Variants in SMC6 observed in about 807,000 individuals in gnomAD.
SMC6 encodes structural maintenance of chromosomes protein 6.
A neutral mutation model predicts 142.2 loss-of-function variants in SMC6; 79 were observed. The observed-to-expected ratio is 0.56, with a 90% CI of 0.46 to 0.67. The LOEUF is 0.67. Ranked by LOEUF, SMC6 falls within the 30% of genes least tolerant of loss-of-function variation. The pLI, the probability that SMC6 is intolerant of heterozygous loss-of-function variation, is 0.00. For synonymous variants in SMC6, 411 were observed against 412.4 expected (o/e 1.00, Z 0.04); for missense variants, 1,072 against 1,284.0 (o/e 0.83, Z 2.52).
At chr2:17,726,500 T>C (rs1190811271) in intron 7 of SMC6, 31 bp from the exon 8 acceptor site, 26 of 1,575,464 alleles carry the variant, frequency 1.7e-5, no homozygotes, top group Non-Finnish European at 2.1e-5. Flanking sequence ...TTTTTGAATA[T>C]TTTACTTTAA....
intron 1 of SMC6, among the ~76,000 whole-genome samples, 180 bp from the exon 2 acceptor site, chr2:17,753,244 A>C (rs529388429): frequency 5.8e-5 from 7 of 120,310 alleles, no homozygotes; most frequent in Non-Finnish European, 1.1e-4. Context: ...CATCAGACTC[A>C]TGCTAAGAGC....
intron 9 of SMC6, among the ~76,000 whole-genome samples, chr2:17,723,412 T>G (rs1370995653): frequency 6.6e-6 from 1 of 152,212 alleles, no homozygotes; most frequent in Non-Finnish European, 1.5e-5. Context: ...CAACCTGGCC[T>G]CTCATCTCTC....
At position 17,715,040 on chromosome 2, in the gene SMC6, T is replaced by C. The variant is rs746962255; in HGVS notation, c.1551A>G (p.Pro517=). ...PLGACIHLRD[P]ELALAIESCL... The stretch of plus-strand genomic sequence containing the variant: ...AAGATTCAATAGCCAAAGCAAGTTC[T>C]GGGTCCCGAAGATGAATGCAAGCTC... Residue 517 remains proline (P), a synonymous_variant, in exon 16 of 28, where the codon CCA becomes CCG. Transcript: ENST00000448223. The C allele has an allele frequency of 6.2e-7, 1 of 1,613,772 alleles. No homozygotes were observed.
chr2:17,679,082 G>C (rs1268583354), intron 24 of SMC6, 118 bp from the exon 25 acceptor site: 1 of 620,056 alleles, frequency 1.6e-6, no homozygotes, highest in Non-Finnish European at 2.7e-6. Flanking sequence ...TGTAAACATT[G>C]GTTACTCATT....
chr2:17,667,801 A>C (rs1666570777), intron 26 of SMC6, among the ~76,000 whole-genome samples: 1 of 152,166 alleles, frequency 6.6e-6, no homozygotes, highest in Non-Finnish European at 1.5e-5. Context: ...AGTGAGCTGA[A>C]ATCACGCCAC....
chr2:17,747,896 C>T (rs998856026), intron 2 of SMC6, among the ~76,000 whole-genome samples: 8 of 152,214 alleles, frequency 5.3e-5, no homozygotes, highest in Admixed American at 2.6e-4. Flanking sequence ...CTCTGGAAAA[C>T]TCCACTGTAC....
In SMC6 at chr2:17,717,106, A is replaced by C; in HGVS notation, c.1163T>G (p.Ile388Ser). 1 of 1,612,036 alleles carries C rather than the reference A, an allele frequency of 6.2e-7. No individual in the cohort carries two copies. Among genetic ancestry groups the C allele is most frequent in the Non-Finnish European group, 8.5e-7 (1 of 1,179,512 alleles). The part of the protein sequence containing the change: ...KKDDEQLCKR[I>S]EELKKSTDQS... ...ACCCTACCTTTTTTTCAGCTCTTCA[A>C]TTCGTTTACAAAGCTGCTCATCATC... is the stretch of plus-strand genomic sequence containing the variant. The change falls in exon 13 of 28, where the codon ATT (isoleucine) becomes AGT (serine). Residue 388 changes from isoleucine to serine, a missense_variant. Coordinates refer to ENST00000448223, the MANE Select transcript of SMC6 (RefSeq NM_001142286.2).
At chr2:17,751,273 G>A (rs1053932223) in intron 2 of SMC6, among the ~76,000 whole-genome samples, 1 of 151,838 alleles carries the variant, frequency 6.6e-6, no homozygotes, top group African/African-American at 2.4e-5. Flanking sequence ...TTGAGGTAAG[G>A]CGCTCAAGAC....
In SMC6 at chr2:17,689,586, T is replaced by C. The variant is rs541669371; in HGVS notation, c.2678+5566A>G. ...TGTGCATGTATACATGCTAAATATA[T>C]ATGGCCTTTCAATAATGTTTGAAGT... On this transcript the variant is annotated intron_variant, in intron 23 of 27. Transcript: ENST00000448223. Among the ~76,000 whole-genome samples the C allele has an allele frequency of 2.0e-5, 3 of 152,352 alleles. No homozygotes were observed. In the East Asian group the frequency reaches 5.8e-4, roughly 29 times the overall value.
chr2:17,735,035 A>G (rs1475098749), intron 5 of SMC6, among the ~76,000 whole-genome samples: 1 of 152,038 alleles, frequency 6.6e-6, no homozygotes, highest in Admixed American at 6.6e-5. Context: ...CTGGCCTGCT[A>G]TATGAATCTA....
chr2:17,682,183 G>C (rs1170730097), intron 24 of SMC6, among the ~76,000 whole-genome samples: 1 of 152,074 alleles, frequency 6.6e-6, no homozygotes, highest in East Asian at 1.9e-4. Context: ...TAGTTCTCTT[G>C]CCACTTCCAC....
intron 7 of SMC6, among the ~76,000 whole-genome samples, chr2:17,730,065 T>C (rs546459812): frequency 6.6e-6 from 1 of 152,298 alleles, no homozygotes; most frequent in South Asian, 2.1e-4. Flanking sequence ...AACAGTAGAA[T>C]GAAACAGGAT....
intron 5 of SMC6, among the ~76,000 whole-genome samples, chr2:17,733,772 TAGGC>T (rs1415899633): frequency 6.6e-6 from 1 of 152,126 alleles, no homozygotes; most frequent in Non-Finnish European, 1.5e-5. Context: ...GGAAACCACT[TAGGC>T]AGGCTAATAA....
chr2:17,718,058 T>C lies in SMC6; in HGVS notation c.1092+19A>G, dbSNP rs780830080. 3 of 1,585,736 alleles carry C rather than the reference T, an allele frequency of 1.9e-6. No homozygotes were observed. In the African/African-American group the frequency reaches 4.1e-5, roughly 22 times the overall value. On this transcript the variant is annotated intron_variant, in intron 12 of 27. Transcript: ENST00000448223. Reference sequence around the variant, plus strand: ...TGCTGTGTGGCTTTTAAAATTCCAGTTTAGAAAATTTATCTCACCTCAGCT... The same window carrying C: ...TGCTGTGTGGCTTTTAAAATTCCAGCTTAGAAAATTTATCTCACCTCAGCT...
At chr2:17,665,891 G>A (rs184519420) in intron 27 of SMC6, among the ~76,000 whole-genome samples, 1 of 152,278 alleles carries the variant, frequency 6.6e-6, no homozygotes, top group East Asian at 1.9e-4. Context: ...TTCTGTTATT[G>A]TCTAGCAAGG....
chr2:17,746,504 T>TTACTTTATATTTAATTTATATAAAATTA (rs1305522189), intron 2 of SMC6: 4 of 152,216 alleles, frequency 2.6e-5, no homozygotes, highest in Non-Finnish European at 5.9e-5. Flanking sequence ...AGTAATCAGA[T>TTACTTTATATTTAATTTATATAAAATTA]AAAACTTTTA....
At chr2:17,672,765 C>A (rs1422976110) in intron 25 of SMC6, among the ~76,000 whole-genome samples, 5 of 152,158 alleles carry the variant, frequency 3.3e-5, no homozygotes, top group Non-Finnish European at 5.9e-5. Context: ...ATGTTGTGTG[C>A]AACAGCAGTT....
chr2:17,731,962 A>G, intron 5 of SMC6, 85 bp from the exon 6 acceptor site: 1 of 1,418,786 alleles, frequency 7.0e-7, no homozygotes, highest in South Asian at 1.5e-5. Flanking sequence ...ATTTTTCAAA[A>G]CCACCAAATA....
Position 17,714,874 on chromosome 2 carries a change from C to CTA in SMC6, c.1716_1717insTA (p.Asp573Ter). 1 of 1,612,702 alleles carries CTA rather than the reference C, an allele frequency of 6.2e-7. No homozygotes were observed. The highest frequency in any genetic ancestry group is 8.5e-7 in the Non-Finnish European group (1 of 1,179,646). On this transcript the variant is annotated frameshift_variant, in exon 16 of 28. Coordinates refer to ENST00000448223, the MANE Select transcript of SMC6 (RefSeq NM_001142286.2). LOFTEE classifies it high-confidence loss of function. ...CTAATGCCTTACCTGTGTCTTACAT[C>CTA]ATATATCTCATTCCGAAACTCAGAA...
Sources: allele counts gnomAD v4.1 joint callset (sites outside exome capture counted in the v4.1 genomes callset), GRCh38; gene constraint gnomAD v4.1.1; transcripts MANE v1.5; gene names NCBI Gene and HGNC (gene_info 2026-07-23, HGNC 2026-07-21).